PAPPA: variants seen among roughly 807,000 people sequenced by gnomAD.
PAPPA encodes pappalysin 1.
A neutral mutation model predicts 164.0 loss-of-function variants in PAPPA; 60 were observed. That is an observed-to-expected ratio of 0.37 (90% CI 0.30 to 0.45). The LOEUF (loss-of-function observed/expected upper bound fraction) is 0.45. Ranked by LOEUF, PAPPA falls within the 20% of genes least tolerant of loss-of-function variation. The pLI is 1.00. For synonymous variants in PAPPA, 875 were observed against 814.1 expected (o/e 1.07, Z -1.27); for missense variants, 1,782 against 2,087.3 (o/e 0.85, Z 2.85).
chr9:116,389,741 A>G (rs886768588), intron 21 of PAPPA, among the ~76,000 whole-genome samples: 1 of 150,922 alleles, frequency 6.6e-6, no homozygotes, highest in Non-Finnish European at 1.5e-5. Context: ...CATGTTCTCA[A>G]TGACTCCAAC....
chr9:116,236,720 T>A (rs1564194694), intron 7 of PAPPA, among the ~76,000 whole-genome samples: 1 of 140,510 alleles, frequency 7.1e-6, no homozygotes, highest in Non-Finnish European at 1.6e-5. Flanking sequence ...TCCTGTGTAC[T>A]AGAAAATGGG....
At chr9:116,273,619 T>C (rs1427147657) in intron 9 of PAPPA, among the ~76,000 whole-genome samples, 1 of 152,124 alleles carries the variant, frequency 6.6e-6, no homozygotes, top group African/African-American at 2.4e-5. Context: ...ATTTTAAACA[T>C]ACAGTGTAGC....
chr9:116,158,450 C>G (rs1377799869), intron 1 of PAPPA, among the ~76,000 whole-genome samples: 2 of 152,118 alleles, frequency 1.3e-5, no homozygotes, highest in Non-Finnish European at 2.9e-5. Context: ...AATCTCTGCC[C>G]CTAACTAACT....
In PAPPA at chr9:116,188,031, G is replaced by T. The variant is rs376541427; in HGVS notation, c.1293G>T (p.Thr431=). The change falls in exon 2 of 22, where the codon ACG becomes ACT. Residue 431 remains threonine (T), a synonymous_variant. Coordinates refer to ENST00000328252, the MANE Select transcript of PAPPA (RefSeq NM_002581.5). ...ACTGTGACCCCGAGTGCAACCACAC[G>T]CTGACGGGCCACGACGGCGGGGATT... is the stretch of plus-strand genomic sequence containing the variant. The part of the protein sequence containing the change: ...DENCDPECNH[T]LTGHDGGDCR... 27 of 1,614,082 alleles carry T rather than the reference G, an allele frequency of 1.7e-5. No individual in the cohort carries two copies. In the African/African-American group the frequency reaches 3.5e-4, roughly 21 times the overall value.
At chr9:116,200,382 T>G (rs1844158313) in intron 2 of PAPPA, among the ~76,000 whole-genome samples, 1 of 152,206 alleles carries the variant, frequency 6.6e-6, no homozygotes, top group South Asian at 2.1e-4. Flanking sequence ...AGTAAGAGAC[T>G]AATGGCTAAG....
intron 20 of PAPPA, among the ~76,000 whole-genome samples, chr9:116,381,052 G>C (rs1846724169): frequency 6.6e-6 from 1 of 152,146 alleles, no homozygotes; most frequent in South Asian, 2.1e-4. Context: ...ACTTTCATCT[G>C]CTTTCTATAT....
chr9:116,250,406 A>G (rs1243776528), intron 7 of PAPPA, among the ~76,000 whole-genome samples: 1 of 152,236 alleles, frequency 6.6e-6, no homozygotes, highest in East Asian at 1.9e-4. Context: ...CAAGGATGTT[A>G]GTCAAAAATG....
intron 14 of PAPPA, among the ~76,000 whole-genome samples, chr9:116,346,532 A>G (rs1480686322): frequency 6.6e-6 from 1 of 152,174 alleles, no homozygotes; most frequent in African/African-American, 2.4e-5. Flanking sequence ...GAGAGTGCCT[A>G]CTGTGTGCCA....
intron 18 of PAPPA, among the ~76,000 whole-genome samples, chr9:116,365,526 G>A (rs1846488689): frequency 6.7e-6 from 1 of 149,000 alleles, no homozygotes; most frequent in South Asian, 2.1e-4. Flanking sequence ...GCATAGGACA[G>A]CAAGTGTCTC....
chr9:116,331,197 T>G (rs1206192791), intron 10 of PAPPA, 47 bp from the exon 11 acceptor site: 1 of 1,207,992 alleles, frequency 8.3e-7, no homozygotes, highest in African/African-American at 1.5e-5. Flanking sequence ...TAGTTGAACT[T>G]CTGACACTCT....
At chr9:116,305,142 C>CAG (rs1164855682) in intron 10 of PAPPA, among the ~76,000 whole-genome samples, 1 of 142,186 alleles carries the variant, frequency 7.0e-6, no homozygotes, top group Admixed American at 7.1e-5. Flanking sequence ...CAGACACACA[C>CAG]ACACACACAC....
At chr9:116,355,748 A>G (rs1846345484) in intron 17 of PAPPA, among the ~76,000 whole-genome samples, 1 of 152,226 alleles carries the variant, frequency 6.6e-6, no homozygotes, top group African/African-American at 2.4e-5. Context: ...AAGGAGAGGA[A>G]AGTGTAAATG....
At chr9:116,320,165 C>T (rs745811527) in intron 10 of PAPPA, among the ~76,000 whole-genome samples, 1 of 152,210 alleles carries the variant, frequency 6.6e-6, no homozygotes, top group South Asian at 2.1e-4. Flanking sequence ...TCTATATTCC[C>T]TTTCCATTGA....
intron 15 of PAPPA, among the ~76,000 whole-genome samples, chr9:116,350,261 G>A (rs549282424): frequency 6.6e-6 from 1 of 152,332 alleles, no homozygotes; most frequent in East Asian, 1.9e-4. Flanking sequence ...ATACAGGCCA[G>A]TGCCAAGAAG....
intron 10 of PAPPA, among the ~76,000 whole-genome samples, chr9:116,311,364 C>T (rs1182326952): frequency 2.6e-5 from 4 of 152,142 alleles, no homozygotes; most frequent in Non-Finnish European, 4.4e-5. Flanking sequence ...AAAATAGCTT[C>T]TTTCGATAAG....
chr9:116,265,867 C>G lies in PAPPA; in HGVS notation c.2743C>G (p.Leu915Val), dbSNP rs772382562. The G allele has an allele frequency of 4.4e-6, 7 of 1,600,232 alleles. No homozygotes were observed. The highest frequency in any genetic ancestry group is 2.2e-5 in the South Asian group (2 of 90,202). ...CTTTGTATTTTCCAGGGATCTAAAT[C>G]TTGGCAGTGTGTACCAGTATTGGGT... ...NRKFVDMDLN[L>V]GSVYQYWVIT... is the part of the protein sequence containing the mutation. The change falls in exon 8 of 22, where the codon CTT becomes GTT. Residue 915 changes from leucine to valine, a missense_variant. Around this residue, in one of 2 missense-constraint regions of PAPPA, gnomAD observed 1,324 missense variants for 1,656.9 expected, o/e 0.80. Coordinates refer to ENST00000328252, the MANE Select transcript of PAPPA (RefSeq NM_002581.5).
rs1009450343 is a variant in PAPPA, at chr9:116,221,736, A to G, written c.2111+1607A>G. ...CCCCCCGCAAGGCAAAAAAAAAGCC[A>G]CAAAAAGAAGCAAGAAATTCTCATT... On this transcript the variant is annotated intron_variant, in intron 5 of 21. Coordinates refer to ENST00000328252, the MANE Select transcript of PAPPA (RefSeq NM_002581.5). Among the ~76,000 whole-genome samples the G allele has an allele frequency of 5.9e-5, 9 of 152,270 alleles. No individual in the cohort carries two copies. In the East Asian group the frequency reaches 1.7e-3, roughly 29 times the overall value.
At chr9:116,378,736 C>T (rs1214971475) in intron 20 of PAPPA, among the ~76,000 whole-genome samples, 1 of 152,130 alleles carries the variant, frequency 6.6e-6, no homozygotes, top group African/African-American at 2.4e-5. Flanking sequence ...ATGGAATGTC[C>T]AAGTTTGCAC....
intron 21 of PAPPA, among the ~76,000 whole-genome samples, chr9:116,393,461 A>T (rs1328509440): frequency 1.3e-5 from 2 of 152,196 alleles, no homozygotes; most frequent in Non-Finnish European, 2.9e-5. Flanking sequence ...CATTGAATGC[A>T]TAAAGACTGA....
Sources: gnomAD v4.1 joint callset for allele counts (sites outside exome capture counted in the v4.1 genomes callset) on GRCh38, gnomAD v4.1.1 for gene constraint, gnomAD v4.1.1 regional missense constraint, MANE v1.5 for transcripts, NCBI Gene and HGNC (gene_info 2026-07-23, HGNC 2026-07-21) for gene names.